Variants in ELAVL2 observed in about 807,000 individuals in gnomAD.
ELAVL2 encodes ELAV like RNA binding protein 2.
A neutral mutation model predicts 34.6 loss-of-function variants in ELAVL2; 4 were observed. That is an observed-to-expected ratio of 0.12 (90% CI 0.06 to 0.26). The LOEUF (loss-of-function observed/expected upper bound fraction) is 0.26. ELAVL2 is among the 10% of genes least tolerant of loss of function. ELAVL2 has a pLI of 1.00. For missense variants in ELAVL2, 432 were observed against 442.8 expected (o/e 0.98, Z 0.22); for synonymous variants, 193 against 154.8 (o/e 1.25, Z -1.83).
chr9:23,820,798 C>G (rs1366862719), intron 1 of ELAVL2, among the ~76,000 whole-genome samples: 1 of 152,250 alleles, frequency 6.6e-6, no homozygotes. Flanking sequence ...GCTGCCGCAA[C>G]CACGGCAAGC....
At chr9:23,746,820 G>GA (rs58976853) in intron 2 of ELAVL2, among the ~76,000 whole-genome samples, 3,312 of 68,946 alleles carry the variant, frequency 0.048, 43 homozygotes, top group East Asian at 0.12. Flanking sequence ...AACTGAAAAA[G>GA]AAAAAAAAAA....
At chr9:23,707,627 G>T (rs1245076752) in intron 3 of ELAVL2, among the ~76,000 whole-genome samples, 1 of 152,196 alleles carries the variant, frequency 6.6e-6, no homozygotes, top group Non-Finnish European at 1.5e-5. Flanking sequence ...CAGCTAATCG[G>T]TGTGCCTGGG....
chr9:23,699,752 C>G (rs1418887749), intron 5 of ELAVL2, among the ~76,000 whole-genome samples: 1 of 150,928 alleles, frequency 6.6e-6, no homozygotes, highest in Non-Finnish European at 1.5e-5. Flanking sequence ...ATCAGGCAGC[C>G]CCACGCATCT....
At chr9:23,791,150 C>G (rs1294847427) in intron 1 of ELAVL2, among the ~76,000 whole-genome samples, 6 of 152,140 alleles carry the variant, frequency 3.9e-5, no homozygotes, top group African/African-American at 1.4e-4. Context: ...ATTGTCAAAA[C>G]TCAACTTTAA....
rs117274459 is a variant in ELAVL2 at position 23,728,107 on chromosome 9, G to T, written c.333+2915C>A. Among the ~76,000 whole-genome samples, 78 of 93,790 alleles carry T rather than the reference G, an allele frequency of 8.3e-4. No individual in the cohort carries two copies. In the East Asian group the frequency reaches 0.021, roughly 26 times the overall value. 61.5% of individuals were successfully genotyped at this position (93,790 alleles called of 152,430 possible). A position where few individuals can be genotyped will look rare whatever the true frequency, so the allele number is the denominator to read the frequency against. ...CTCTTTCTTCAACTGCCTGGTCTTG[G>T]CTAAATTGTATGACCACCAAGATCT... On this transcript the variant is annotated intron_variant, in intron 3 of 6. Transcript: ENST00000397312.
chr9:23,743,666 A>G (rs1181271263), intron 2 of ELAVL2, among the ~76,000 whole-genome samples: 1 of 152,180 alleles, frequency 6.6e-6, no homozygotes, highest in Non-Finnish European at 1.5e-5. Context: ...AACAGGAAAA[A>G]CCTAAACACA....
intron 1 of ELAVL2, among the ~76,000 whole-genome samples, chr9:23,825,217 C>T (rs191379252): frequency 2.0e-5 from 3 of 152,314 alleles, no homozygotes; most frequent in African/African-American, 4.8e-5. Context: ...CAACCCTAGC[C>T]TCAGCCCAGC....
At chr9:23,717,581 A>T (rs1355654629) in intron 3 of ELAVL2, among the ~76,000 whole-genome samples, 1 of 152,206 alleles carries the variant, frequency 6.6e-6, no homozygotes, top group East Asian at 1.9e-4. Context: ...ACATTCCCTT[A>T]TGTGTAATAC....
Position 23,692,458 on chromosome 9 carries a change from A to G in ELAVL2, c.*99T>C. On this transcript the variant is annotated 3_prime_UTR_variant, in exon 7 of 7. Coordinates refer to ENST00000397312, the MANE Select transcript of ELAVL2 (RefSeq NM_004432.5). ...AAGTAGTCATTTTATCCCCATCTCA[A>G]CACTGACTTACAAAGACATTTACTA... 2 of 1,287,850 alleles carry G rather than the reference A, an allele frequency of 1.6e-6. No individual in the cohort carries two copies. The highest frequency in any genetic ancestry group is 5.0e-5 in the East Asian group (2 of 39,614). The allele number at this position is 1,287,850 out of a possible 1,614,324, so 79.8% of individuals were successfully genotyped here.
intron 1 of ELAVL2, among the ~76,000 whole-genome samples, chr9:23,797,650 G>A (rs987134468): frequency 2.6e-5 from 4 of 152,228 alleles, no homozygotes; most frequent in East Asian, 3.8e-4. Flanking sequence ...TATGGGATGC[G>A]GGCGTGGTGG....
At chr9:23,718,674 G>C (rs1587649927) in intron 3 of ELAVL2, among the ~76,000 whole-genome samples, 1 of 152,170 alleles carries the variant, frequency 6.6e-6, no homozygotes, top group East Asian at 1.9e-4. Context: ...TTGTGGGGCT[G>C]ACATAAGTTA....
intron 1 of ELAVL2, among the ~76,000 whole-genome samples, chr9:23,764,232 C>G (rs1337315371): frequency 6.6e-6 from 1 of 152,102 alleles, no homozygotes; most frequent in Non-Finnish European, 1.5e-5. Flanking sequence ...CTACAAGAGA[C>G]CCGAATGGGA....
chr9:23,833,194 G>T, the ELAVL2 span, among the ~76,000 whole-genome samples: 3 of 151,508 alleles, frequency 2.0e-5, no homozygotes, highest in South Asian at 6.3e-4. Context: ...AGTTATATTG[G>T]TTTAAATAAT....
chr9:23,837,235 C>A, the ELAVL2 span, among the ~76,000 whole-genome samples: 354 of 152,268 alleles, frequency 2.3e-3, 1 homozygote, highest in South Asian at 9.5e-3. Context: ...TGCTGCTCTG[C>A]GTAGCCCAGG....
intron 4 of ELAVL2, among the ~76,000 whole-genome samples, chr9:23,703,882 A>AT (rs2038368178): frequency 6.6e-6 from 1 of 152,060 alleles, no homozygotes. Context: ...ATGTTTCTCT[A>AT]TTTTTTAACT....
chr9:23,766,015 T>C (rs2056174813), intron 1 of ELAVL2, among the ~76,000 whole-genome samples: 1 of 152,060 alleles, frequency 6.6e-6, no homozygotes, highest in Non-Finnish European at 1.5e-5. Flanking sequence ...CTTCAAATGG[T>C]CAATATAATC....
intron 1 of ELAVL2, among the ~76,000 whole-genome samples, chr9:23,772,557 A>G (rs1010514536): frequency 1.3e-5 from 2 of 149,266 alleles, no homozygotes; most frequent in Admixed American, 6.7e-5. Context: ...AAAAAAAAAA[A>G]GGCATCTAAA....
Position 23,731,649 on chromosome 9 carries a change from T to A in ELAVL2, c.230-524A>T, listed in dbSNP as rs2046582501. ...AACCATGTGTGGGCGTGTATACATG[T>A]AAGTTTATTTTAGACGAGGGCTTAT... is the stretch of plus-strand genomic sequence containing the variant. On this transcript the variant is annotated intron_variant, in intron 2 of 6. Coordinates refer to ENST00000397312, the MANE Select transcript of ELAVL2 (RefSeq NM_004432.5). Among the ~76,000 whole-genome samples the A allele has an allele frequency of 2.0e-5, 3 of 152,158 alleles. No homozygotes were observed. In the South Asian group the frequency reaches 6.2e-4, roughly 31 times the overall value.
chr9:23,699,077 G>A (rs2036258968), intron 5 of ELAVL2, among the ~76,000 whole-genome samples: 1 of 152,012 alleles, frequency 6.6e-6, no homozygotes, highest in South Asian at 2.1e-4. Flanking sequence ...TAGGAGTGAA[G>A]GAAAAAGAAT....
Sources: allele counts gnomAD v4.1 joint callset (sites outside exome capture counted in the v4.1 genomes callset), GRCh38; gene constraint gnomAD v4.1.1; transcripts MANE v1.5; gene names NCBI Gene and HGNC (gene_info 2026-07-23, HGNC 2026-07-21).